Variants in ADARB1 observed in about 807,000 individuals in gnomAD.
The protein encoded by ADARB1 is double-stranded RNA-specific editase 1.
In ADARB1, 10 loss-of-function variants were observed where a neutral mutation model predicts 52.4. The observed-to-expected ratio is 0.19, with a 90% CI of 0.12 to 0.32. ADARB1 has a LOEUF of 0.32. Among genes scored for constraint, ADARB1 ranks in the 10% least tolerant of loss-of-function variants. The pLI is 1.00. For synonymous variants in ADARB1, 349 were observed against 371.1 expected (o/e 0.94, Z 0.68); for missense variants, 643 against 922.3 (o/e 0.70, Z 3.92).
At chr21:45,210,821 GA>G (rs539564944) in intron 9 of ADARB1, among the ~76,000 whole-genome samples, 339 of 152,360 alleles carry the variant, frequency 2.2e-3, no homozygotes, top group Non-Finnish European at 3.7e-3. Flanking sequence ...GCTGCTTCAG[GA>G]AAAGGAGGAG....
chr21:45,075,680 G>T (rs1157994264), intron 1 of ADARB1, among the ~76,000 whole-genome samples: 1 of 152,242 alleles, frequency 6.6e-6, no homozygotes, highest in African/African-American at 2.4e-5. Context: ...ACGCTGAAAC[G>T]TGTTGGAGTC....
chr21:45,129,896 G>T (rs978903084), intron 2 of ADARB1, among the ~76,000 whole-genome samples: 9 of 152,198 alleles, frequency 5.9e-5, no homozygotes, highest in African/African-American at 1.9e-4. Context: ...AGGAATTTCA[G>T]GTAACTGGTT....
chr21:45,204,740 A>G lies in ADARB1; in HGVS notation c.1747+4A>G. The stretch of plus-strand genomic sequence containing the variant: ...CTCAACAAGCCTTTGCTCAGTGGCA[A>G]GTATCTCTAGAGTGTGCTGATTTAA... On this transcript the variant is annotated splice_donor_region_variant and intron_variant, in intron 9 of 10. Transcript: ENST00000348831. The surrounding 1 kb of genome is among the most constrained non-coding windows in gnomAD (Gnocchi z 4.4). 3 of 1,613,708 alleles carry G rather than the reference A, an allele frequency of 1.9e-6. No homozygotes were observed. The highest frequency in any genetic ancestry group is 1.3e-5 in the African/African-American group (1 of 75,014).
Position 45,204,538 on chromosome 21 carries a change from C to G in ADARB1, c.1566-17C>G. On this transcript the variant is annotated splice_polypyrimidine_tract_variant and intron_variant, in intron 8 of 10. Transcript: ENST00000348831. The surrounding 1 kb of genome is among the most constrained non-coding windows in gnomAD (Gnocchi z 4.4). ...GAGTCCGAGCTCCCTGAAGACTGTG[C>G]TTTCTTCTCCCTCCAGCTGGAACGT... 6.2e-7 allele frequency: 1 copy of G among 1,613,242 alleles called. No homozygotes were observed.
chr21:45,176,306 C>CGAA lies in ADARB1; in HGVS notation c.605_606insGAA (p.Ser202_Ser203insAsn), dbSNP rs1303186006. The CGAA allele has an allele frequency of 2.5e-6, 4 of 1,613,992 alleles. No individual in the cohort carries two copies. Among genetic ancestry groups the CGAA allele is most frequent in the East Asian group, 4.5e-5 (2 of 44,892 alleles). On this transcript the variant is annotated inframe_insertion, in exon 4 of 11. Coordinates refer to ENST00000348831, the MANE Select transcript of ADARB1 (RefSeq NM_001112.4). This position sits in a 1 kb window ranked among gnomAD's most constrained non-coding sequence, Gnocchi z 5.8. ...TCCAATGGGGATGACTCCTTCAGTT[C>CGAA]CAGCGGGGACCTCAGCTTGTCTGCT...
At chr21:45,118,325 T>C (rs1215435873) in intron 1 of ADARB1, among the ~76,000 whole-genome samples, 2 of 152,148 alleles carry the variant, frequency 1.3e-5, no homozygotes, top group African/African-American at 2.4e-5. Flanking sequence ...CACTTCCTTA[T>C]AGAATGGATG....
At chr21:45,117,406 A>G (rs1015510689) in intron 1 of ADARB1, among the ~76,000 whole-genome samples, 3 of 152,218 alleles carry the variant, frequency 2.0e-5, no homozygotes, top group Admixed American at 6.5e-5. Flanking sequence ...TCTGGCATAT[A>G]TAATAGATGA....
chr21:45,114,413 C>G (rs774741149), intron 1 of ADARB1, among the ~76,000 whole-genome samples: 2 of 152,144 alleles, frequency 1.3e-5, no homozygotes, highest in Non-Finnish European at 2.9e-5. Context: ...TTCATAAAGC[C>G]TTGATGCTCA....
chr21:45,139,552 G>A (rs2089594149), intron 2 of ADARB1, among the ~76,000 whole-genome samples: 3 of 152,168 alleles, frequency 2.0e-5, no homozygotes, highest in Admixed American at 6.5e-5. Context: ...TGGATCCAGC[G>A]GTCGAGCAAG....
rs919845796 is a variant in ADARB1, at chr21:45,198,492, TTAAATCACACA to T, written c.1566-6062_1566-6052del. On this transcript the variant is annotated intron_variant, in intron 8 of 10. Transcript: ENST00000348831. Reference sequence around the variant, plus strand: ...TTGGAATAGAACTCTGCCTATTAAATTAAATCACACACACACACACACACACACATACACAC... The same window carrying T: ...TTGGAATAGAACTCTGCCTATTAAATCACACACACACACACACATACACAC... Among the ~76,000 whole-genome samples the T allele has an allele frequency of 2.8e-5, 4 of 143,198 alleles. No homozygotes were observed. The South Asian group carries it at 6.7e-4, about 24-fold the overall frequency. The allele number at this position is 143,198 out of a possible 152,430, so 93.9% of individuals were successfully genotyped here. A position where few individuals can be genotyped will look rare whatever the true frequency, so the allele number is the denominator to read the frequency against.
rs1180787655 is a variant in ADARB1, at chr21:45,176,714, A to C, written c.963+50A>C. The C allele has an allele frequency of 1.3e-6, 2 of 1,523,672 alleles. No homozygotes were observed. The highest frequency in any genetic ancestry group is 8.9e-7 in the Non-Finnish European group (1 of 1,126,956). 94.4% of individuals were successfully genotyped at this position (1,523,672 alleles called of 1,614,324 possible). Reference sequence around the variant, plus strand: ...AAACACGGGGTCATTGCTCTTGGTAATGCTTCTAGACAGCATTTTAGTTTC... The same window carrying C: ...AAACACGGGGTCATTGCTCTTGGTACTGCTTCTAGACAGCATTTTAGTTTC... On this transcript the variant is annotated intron_variant, in intron 4 of 10. Transcript: ENST00000348831. This position sits in a 1 kb window ranked among gnomAD's most constrained non-coding sequence, Gnocchi z 5.8.
At chr21:45,107,880 G>T (rs998468206) in intron 1 of ADARB1, among the ~76,000 whole-genome samples, 1 of 152,114 alleles carries the variant, frequency 6.6e-6, no homozygotes, top group African/African-American at 2.4e-5. Flanking sequence ...TGGGCAACAT[G>T]GCAAAACCTA....
chr21:45,199,956 C>T (rs1569158135), intron 8 of ADARB1, among the ~76,000 whole-genome samples: 1 of 152,166 alleles, frequency 6.6e-6, no homozygotes, highest in African/African-American at 2.4e-5. Flanking sequence ...AGTAATTAGA[C>T]TTTACCTCAA....
intron 2 of ADARB1, among the ~76,000 whole-genome samples, chr21:45,155,605 T>TCCATCCAC (rs992851461): frequency 1.3e-5 from 2 of 149,808 alleles, no homozygotes; most frequent in African/African-American, 4.9e-5. Context: ...CACTCACCCA[T>TCCATCCAC]CCATCCACCC....
intron 1 of ADARB1, chr21:45,100,675 G>T (rs965255616): frequency 2.0e-5 from 3 of 152,448 alleles, no homozygotes; most frequent in Non-Finnish European, 4.4e-5. Flanking sequence ...CTCCAAACCA[G>T]TGCTGGTGGG....
At chr21:45,108,217 G>C (rs909069633) in intron 1 of ADARB1, among the ~76,000 whole-genome samples, 1 of 152,164 alleles carries the variant, frequency 6.6e-6, no homozygotes, top group Non-Finnish European at 1.5e-5. Context: ...TGGGAAAAAG[G>C]TATGAACAGA....
intron 2 of ADARB1, among the ~76,000 whole-genome samples, chr21:45,129,792 G>A (rs571652677): frequency 1.3e-5 from 2 of 152,192 alleles, no homozygotes; most frequent in Non-Finnish European, 2.9e-5. Context: ...GGGGGACGCC[G>A]TCTTTGGGGA....
At chr21:45,196,077 T>C (rs2092418200) in intron 8 of ADARB1, among the ~76,000 whole-genome samples, 3 of 152,210 alleles carry the variant, frequency 2.0e-5, no homozygotes, top group African/African-American at 7.2e-5. Flanking sequence ...TGGAATTTTA[T>C]AGTTTTACTT....
chr21:45,184,468 A>G (rs2092034974), intron 7 of ADARB1: 5 of 154,294 alleles, frequency 3.2e-5, no homozygotes, highest in Non-Finnish European at 5.0e-5. Context: ...TTTTTTTTTG[A>G]GACAGGGTCT....
Sources: allele counts gnomAD v4.1 joint callset (sites outside exome capture counted in the v4.1 genomes callset), GRCh38; gene constraint gnomAD v4.1.1; non-coding constraint Gnocchi (gnomAD v3.1); transcripts MANE v1.5; gene names NCBI Gene and HGNC (gene_info 2026-07-23, HGNC 2026-07-21).